The following CLMN variants were observed in gnomAD, a reference collection of about 807,000 sequenced individuals.
CLMN encodes the protein calmin, also known as calmin (calponin-like, transmembrane).
Under a neutral mutation model 92.7 loss-of-function variants are expected in CLMN, and 57 were observed. That is an observed-to-expected ratio of 0.61 (90% CI 0.50 to 0.77). CLMN has a LOEUF of 0.77. Among genes scored for constraint, CLMN ranks in the 30% least tolerant of loss-of-function variants. The probability of loss-of-function intolerance (pLI) is 0.00; values close to 1 mark genes in which losing one functional copy is unlikely to be tolerated. For synonymous variants in CLMN, 466 were observed against 470.6 expected, an observed-to-expected ratio of 0.99 and a Z score of 0.13; for missense variants, 1,158 against 1,237.5, an observed-to-expected ratio of 0.94 and a Z score of 0.96.
chr14:95,186,459 C>T lies in CLMN; in HGVS notation c.*5105G>A, dbSNP rs1309263268. ...TCAGGTCTGACCAGGAAGCCCCGAC[C>T]ACCTGATCATCAACTATGGCAAGAT... On this transcript the variant is annotated 3_prime_UTR_variant, in exon 13 of 13. Transcript: ENST00000298912. 6.6e-6 allele frequency: 1 copy of T among 152,246 alleles called. No homozygotes were observed. Among genetic ancestry groups the T allele is most frequent in the Non-Finnish European group, 1.5e-5 (1 of 68,054 alleles). The allele number at this position is 152,246 out of a possible 1,614,324, so 9.4% of individuals were successfully genotyped here.
rs539700754 is a variant in CLMN, at chr14:95,203,980, A to G, written c.1369T>C (p.Leu457=). The G allele has an allele frequency of 2.9e-5, 47 of 1,614,178 alleles. No homozygotes were observed. Among genetic ancestry groups the G allele is most frequent in the East Asian group, 1.6e-4 (7 of 44,886 alleles). The change falls in exon 9 of 13, where the codon TTG becomes CTG. Residue 457 remains leucine, a synonymous_variant. Transcript: ENST00000298912. ...GCCAAGACATGTCCATCCTGCCTCAATGATTCCTTTGCCACTCTTGGGCTC... is the reference window on the plus strand; with the variant it reads ...GCCAAGACATGTCCATCCTGCCTCAGTGATTCCTTTGCCACTCTTGGGCTC... ...EGSPRVAKES[L]RQDGHVLAVE...
chr14:95,219,304 G>A (rs749330558), intron 4 of CLMN, among the ~76,000 whole-genome samples: 15 of 152,206 alleles, frequency 9.9e-5, no homozygotes, highest in South Asian at 4.1e-4. Flanking sequence ...AGGTCAATAC[G>A]GTGGAAGGAA....
intron 1 of CLMN, among the ~76,000 whole-genome samples, chr14:95,235,744 T>G (rs1324335456): frequency 6.6e-6 from 1 of 152,190 alleles, no homozygotes; most frequent in African/African-American, 2.4e-5. Context: ...GGAGCCGTAT[T>G]CTTTGACGTC....
chr14:95,229,931 G>T, intron 2 of CLMN, 141 bp downstream of exon 2: 2 of 741,608 alleles, frequency 2.7e-6, no homozygotes, highest in Non-Finnish European at 4.6e-6. Flanking sequence ...TTGGTAACCG[G>T]CAGGGGGAGG....
chr14:95,239,404 G>A (rs1345209079), intron 1 of CLMN, among the ~76,000 whole-genome samples: 1 of 152,202 alleles, frequency 6.6e-6, no homozygotes, highest in Non-Finnish European at 1.5e-5. Flanking sequence ...AATGGAGATA[G>A]AAAAGTATTC....
chr14:95,274,924 G>C (rs1407930654), intron 1 of CLMN, among the ~76,000 whole-genome samples: 2 of 148,894 alleles, frequency 1.3e-5, no homozygotes, highest in Non-Finnish European at 3.0e-5. Flanking sequence ...AGGTTGCAGT[G>C]AGATGAGATA....
intron 6 of CLMN, among the ~76,000 whole-genome samples, chr14:95,212,762 T>G (rs1436948340): frequency 1.3e-5 from 2 of 151,168 alleles, no homozygotes; most frequent in Non-Finnish European, 1.5e-5. Context: ...ACCAGAAAAA[T>G]GCAGGGTTTC....
intron 1 of CLMN, among the ~76,000 whole-genome samples, chr14:95,238,110 G>A (rs1258187103): frequency 3.3e-5 from 5 of 152,110 alleles, no homozygotes; most frequent in Admixed American, 6.5e-5. Context: ...GCCCTCAGAC[G>A]GCCCCTGCCT....
intron 1 of CLMN, among the ~76,000 whole-genome samples, chr14:95,251,480 C>T (rs1319226121): frequency 2.0e-5 from 3 of 152,140 alleles, no homozygotes; most frequent in South Asian, 2.1e-4. Context: ...AGAACGAGGA[C>T]GACCTAGCAT....
intron 1 of CLMN, among the ~76,000 whole-genome samples, chr14:95,298,201 C>T (rs866017402): frequency 6.6e-6 from 1 of 152,114 alleles, no homozygotes; most frequent in African/African-American, 2.4e-5. Context: ...CTGCAGTCCT[C>T]TCCCTTCCCT....
intron 4 of CLMN, among the ~76,000 whole-genome samples, chr14:95,216,198 C>T (rs1310736057): frequency 6.6e-6 from 1 of 152,170 alleles, no homozygotes. Flanking sequence ...GGCAAGAGAA[C>T]GTGTGCAGGG....
At chr14:95,281,027 C>T (rs746356179) in intron 1 of CLMN, among the ~76,000 whole-genome samples, 6 of 152,160 alleles carry the variant, frequency 3.9e-5, no homozygotes, top group Non-Finnish European at 8.8e-5. Flanking sequence ...CTTTTAAATG[C>T]AGAGAGGAAA....
chr14:95,250,400 T>C (rs1898734701), intron 1 of CLMN, among the ~76,000 whole-genome samples: 1 of 152,278 alleles, frequency 6.6e-6, no homozygotes, highest in Non-Finnish European at 1.5e-5. Flanking sequence ...ATAAGCATTT[T>C]ATGCATAAAT....
At chr14:95,255,196 T>C (rs1277546536) in intron 1 of CLMN, among the ~76,000 whole-genome samples, 1 of 152,078 alleles carries the variant, frequency 6.6e-6, no homozygotes, top group Non-Finnish European at 1.5e-5. Flanking sequence ...GGCACCTTGA[T>C]CCTGGACTTC....
chr14:95,210,643 T>C (rs200250065), intron 7 of CLMN, 43 bp downstream of exon 7: 2 of 1,580,760 alleles, frequency 1.3e-6, no homozygotes, highest in East Asian at 4.6e-5. Context: ...GTGGTACATT[T>C]GTAAAAAAAA....
At chr14:95,319,636 G>C in intron 1 of CLMN, 75 bp downstream of exon 1, 2 of 1,225,546 alleles carry the variant, frequency 1.6e-6, no homozygotes, top group Non-Finnish European at 2.3e-6. Flanking sequence ...GCGCGGGGGA[G>C]TTGCCAAGTG....
At chr14:95,242,574 C>CTTTCTTTTTTTTTTTTTTTT (rs749024477) in intron 1 of CLMN, among the ~76,000 whole-genome samples, 1 of 119,908 alleles carries the variant, frequency 8.3e-6, no homozygotes, top group African/African-American at 3.1e-5. Context: ...ATCTCTTTTT[C>CTTTCTTTTTTTTTTTTTTTT]TTTTTTTTTG....
chr14:95,319,836 G>GGGCGCGGAGAGCCTGGCT lies in CLMN; in HGVS notation c.-62_-45dup. ...CCCGGGCCAGCGCGGCGCGGGCGGC[G>GGGCGCGGAGAGCCTGGCT]GGCGCGGAGAGCCTGGCTGGCGGGC... On this transcript the variant is annotated 5_prime_UTR_variant, in exon 1 of 13. Transcript: ENST00000298912. 1 of 1,237,786 alleles carries GGGCGCGGAGAGCCTGGCT rather than the reference G, an allele frequency of 8.1e-7. No homozygotes were observed. The highest frequency in any genetic ancestry group is 1.0e-6 in the Non-Finnish European group (1 of 981,312). The allele number at this position is 1,237,786 out of a possible 1,614,324, so 76.7% of individuals were successfully genotyped here. A position where few individuals can be genotyped will look rare whatever the true frequency, so the allele number is the denominator to read the frequency against.
chr14:95,279,715 G>A (rs1397364612), intron 1 of CLMN, among the ~76,000 whole-genome samples: 2 of 152,304 alleles, frequency 1.3e-5, no homozygotes, highest in Middle Eastern at 3.4e-3. Context: ...CCCAGGAGGC[G>A]GAGCTTGCAG....
Sources: allele counts gnomAD v4.1 joint callset (sites outside exome capture counted in the v4.1 genomes callset), GRCh38; gene constraint gnomAD v4.1.1; transcripts MANE v1.5; gene names NCBI Gene and HGNC (gene_info 2026-07-23, HGNC 2026-07-21).